TMEM14A: variants seen among roughly 807,000 people sequenced by gnomAD.
TMEM14A encodes transmembrane protein 14A.
Under a neutral mutation model 11.6 loss-of-function variants are expected in TMEM14A, and 8 were observed. That is an observed-to-expected ratio of 0.69 (90% confidence interval 0.40 to 1.24). The LOEUF (loss-of-function observed/expected upper bound fraction) is 1.24. Ranked by LOEUF, TMEM14A falls within the 50% of genes most tolerant of loss-of-function variation. TMEM14A has a pLI of 0.01. For missense variants in TMEM14A, 108 were observed against 121.9 expected (o/e 0.89, Z 0.54); for synonymous variants, 34 against 45.5 (o/e 0.75, Z 1.02).
intron 2 of TMEM14A, among the ~76,000 whole-genome samples, chr6:52,677,448 C>G (rs759782536): frequency 9.9e-5 from 15 of 151,098 alleles, no homozygotes; most frequent in Non-Finnish European, 2.2e-4. Flanking sequence ...TAATCTCCCT[C>G]AGGACCACTG....
In TMEM14A at chr6:52,686,105, A is replaced by G. The variant is rs372653083; in HGVS notation, c.*56A>G. On this transcript the variant is annotated 3_prime_UTR_variant, in exon 5 of 5. Coordinates refer to ENST00000211314, the MANE Select transcript of TMEM14A (RefSeq NM_014051.4). ...GTCATCCTGCTGTAATGGGCAGAGCATATTTTTTTTGTATTTAAAAGATAA... is the reference window on the plus strand; with the variant it reads ...GTCATCCTGCTGTAATGGGCAGAGCGTATTTTTTTTGTATTTAAAAGATAA... The G allele has an allele frequency of 7.3e-5, 111 of 1,512,104 alleles. No individual in the cohort carries two copies. The highest frequency in any genetic ancestry group is 9.5e-5 in the Non-Finnish European group (107 of 1,121,270). The allele number at this position is 1,512,104 out of a possible 1,614,324, so 93.7% of individuals were successfully genotyped here.
chr6:52,678,319 ATGTGTGTG>A (rs763841010), intron 2 of TMEM14A, among the ~76,000 whole-genome samples: 2 of 133,714 alleles, frequency 1.5e-5, no homozygotes, highest in African/African-American at 6.2e-5. Context: ...GAGTGTGTGT[ATGTGTGTG>A]TTTGTGTGTG....
At chr6:52,680,667 G>GTTTATATATATATATACATATA (rs1561875042) in intron 2 of TMEM14A, among the ~76,000 whole-genome samples, 1 of 24,908 alleles carries the variant, frequency 4.0e-5, no homozygotes, top group East Asian at 2.0e-3. Flanking sequence ...GTATATATAT[G>GTTTATATATATATATACATATA]TGTATATATA....
chr6:52,675,283 A>C (rs1769236197), intron 1 of TMEM14A, among the ~76,000 whole-genome samples: 1 of 152,278 alleles, frequency 6.6e-6, no homozygotes, highest in South Asian at 2.1e-4. Context: ...AAAATATGCA[A>C]GGAATCTCAC....
At chr6:52,683,743 C>G (rs1446096464) in intron 3 of TMEM14A, among the ~76,000 whole-genome samples, 1 of 152,004 alleles carries the variant, frequency 6.6e-6, no homozygotes, top group South Asian at 2.1e-4. Flanking sequence ...TCCCGAGTAG[C>G]TGGGATTACA....
At chr6:52,672,325 C>T (rs187978022) in intron 1 of TMEM14A, among the ~76,000 whole-genome samples, 2 of 151,910 alleles carry the variant, frequency 1.3e-5, no homozygotes, top group Non-Finnish European at 2.9e-5. Flanking sequence ...AAGAGAAGAT[C>T]GCAGGAAGAG....
chr6:52,682,296 G>C (rs1769405052), intron 3 of TMEM14A, among the ~76,000 whole-genome samples: 1 of 152,200 alleles, frequency 6.6e-6, no homozygotes, highest in Admixed American at 6.5e-5. Flanking sequence ...ACATCTTTTA[G>C]ATTCTGCACT....
intron 4 of TMEM14A, among the ~76,000 whole-genome samples, chr6:52,685,654 A>G (rs1406598399): frequency 6.6e-6 from 1 of 152,088 alleles, no homozygotes; most frequent in Admixed American, 6.6e-5. Flanking sequence ...CTCAGTTAAT[A>G]GAAAGTAGCT....
intron 2 of TMEM14A, 49 bp from the exon 3 acceptor site, chr6:52,681,764 T>A: frequency 6.6e-7 from 1 of 1,505,510 alleles, no homozygotes; most frequent in Non-Finnish European, 9.2e-7. Flanking sequence ...AATGAATTCC[T>A]TTCCTTTTGG....
chr6:52,678,102 A>T (rs1358360739), intron 2 of TMEM14A, among the ~76,000 whole-genome samples: 1 of 152,182 alleles, frequency 6.6e-6, no homozygotes, highest in Non-Finnish European at 1.5e-5. Context: ...CCAAAGTAAG[A>T]CCTGTAAACC....
At chr6:52,674,957 A>G (rs1234404672) in intron 1 of TMEM14A, among the ~76,000 whole-genome samples, 4 of 149,082 alleles carry the variant, frequency 2.7e-5, no homozygotes, top group East Asian at 2.0e-4. Context: ...GTTGATTGCA[A>G]CCTCTGCCTC....
At chr6:52,679,794 G>GGGCA (rs1420492551) in intron 2 of TMEM14A, among the ~76,000 whole-genome samples, 41 of 140,854 alleles carry the variant, frequency 2.9e-4, no homozygotes, top group African/African-American at 1.0e-3. Flanking sequence ...GCTGTTTGCT[G>GGGCA]TCTGATCTCA....
chr6:52,681,228 G>T (rs1561875365), intron 2 of TMEM14A, among the ~76,000 whole-genome samples: 1 of 152,012 alleles, frequency 6.6e-6, no homozygotes. Context: ...GTGAGTGCAT[G>T]GGATAGGGAC....
At position 52,681,870 on chromosome 6, in the gene TMEM14A, C is replaced by CT; in HGVS notation, c.130dup (p.Tyr44LeufsTer6). 1 of 1,614,044 alleles carries CT rather than the reference C, an allele frequency of 6.2e-7. No individual in the cohort carries two copies. Among genetic ancestry groups the CT allele is most frequent in the Non-Finnish European group, 8.5e-7 (1 of 1,180,000 alleles). On this transcript the variant is annotated frameshift_variant, in exon 3 of 5. Transcript: ENST00000211314. LOFTEE classifies it high-confidence loss of function. Reference sequence around the variant, plus strand: ...GTTGGATGTTTGGCCGGCTATGGAGCTTACCGTGTCTCCAATGACAAACGA... The same window carrying CT: ...GTTGGATGTTTGGCCGGCTATGGAGCTTTACCGTGTCTCCAATGACAAACGA...
rs562083516 is a variant in TMEM14A at position 52,677,781 on chromosome 6, G to A, written c.70+609G>A. Among the ~76,000 whole-genome samples, 8 of 152,136 alleles carry A rather than the reference G, an allele frequency of 5.3e-5. No individual in the cohort carries two copies. The South Asian group carries it at 6.2e-4, about 12-fold the overall frequency. The stretch of plus-strand genomic sequence containing the variant: ...ATCTTTCTGACAAACTGTCTCTTAC[G>A]TTTTAATGACATTTTTTAAATGAAG... On this transcript the variant is annotated intron_variant, in intron 2 of 4. Transcript: ENST00000211314.
intron 2 of TMEM14A, among the ~76,000 whole-genome samples, chr6:52,677,677 T>A (rs889198675): frequency 6.6e-5 from 10 of 152,222 alleles, no homozygotes; most frequent in Non-Finnish European, 1.5e-4. Flanking sequence ...CAAATTTTTT[T>A]ATTTTACTTT....
chr6:52,681,099 G>A (rs1486054061), intron 2 of TMEM14A, among the ~76,000 whole-genome samples: 2 of 152,234 alleles, frequency 1.3e-5, no homozygotes, highest in South Asian at 4.1e-4. Context: ...GATTGTGTGT[G>A]TCTTATTCAT....
At chr6:52,680,615 A>ATATATATATATATG (rs2127264179) in intron 2 of TMEM14A, among the ~76,000 whole-genome samples, 1 of 112,082 alleles carries the variant, frequency 8.9e-6, no homozygotes, top group East Asian at 2.8e-4. Flanking sequence ...ATATATATGT[A>ATATATATATATATG]TATATATGTG....
At chr6:52,676,928 C>T (rs1275778328) in intron 1 of TMEM14A, among the ~76,000 whole-genome samples, 159 bp from the exon 2 acceptor site, 1 of 152,164 alleles carries the variant, frequency 6.6e-6, no homozygotes, top group Non-Finnish European at 1.5e-5. Flanking sequence ...GATCCAGTCA[C>T]CTCCCACCAG....
Sources: allele counts gnomAD v4.1 joint callset (sites outside exome capture counted in the v4.1 genomes callset), GRCh38; gene constraint gnomAD v4.1.1; transcripts MANE v1.5; gene names NCBI Gene and HGNC (gene_info 2026-07-23, HGNC 2026-07-21).